FRMD5: variants seen among roughly 807,000 people sequenced by gnomAD.
FRMD5 encodes the protein FERM domain containing 5, also known as FERM domain-containing protein 5.
In FRMD5, 20 loss-of-function variants were observed where a neutral mutation model predicts 69.0. The ratio of observed to expected loss-of-function variants is 0.29; its 90% CI spans 0.20 to 0.42. The LOEUF (loss-of-function observed/expected upper bound fraction) is 0.42. FRMD5 is among the 10% of genes least tolerant of loss of function. FRMD5 has a pLI of 1.00. For missense variants in FRMD5, 595 were observed against 708.6 expected, an observed-to-expected ratio of 0.84 and a Z score of 1.82; for synonymous variants, 271 against 260.1, an observed-to-expected ratio of 1.04 and a Z score of -0.40.
At chr15:43,930,419 A>C (rs952586975) in intron 1 of FRMD5, among the ~76,000 whole-genome samples, 6 of 152,104 alleles carry the variant, frequency 3.9e-5, no homozygotes, top group Non-Finnish European at 8.8e-5. Context: ...TACTCTCAGA[A>C]CTCAGCCATC....
intron 13 of FRMD5, among the ~76,000 whole-genome samples, chr15:43,883,272 ATT>A: frequency 6.6e-6 from 1 of 151,966 alleles, no homozygotes; most frequent in South Asian, 2.1e-4. Flanking sequence ...TAGTTTTTGT[ATT>A]TTTAGTAGAG....
At chr15:44,087,267 C>T (rs968332017) in intron 1 of FRMD5, among the ~76,000 whole-genome samples, 6 of 152,078 alleles carry the variant, frequency 3.9e-5, no homozygotes, top group African/African-American at 7.2e-5. Context: ...TAATCCACCC[C>T]GCCACAGCCT....
chr15:44,012,915 C>A (rs551973837), intron 1 of FRMD5, among the ~76,000 whole-genome samples: 1 of 151,844 alleles, frequency 6.6e-6, no homozygotes, highest in African/African-American at 2.4e-5. Context: ...TACAGGCATG[C>A]GCCACCATGC....
Position 44,070,323 on chromosome 15 carries a change from GA to G in FRMD5, c.102+124629del, listed in dbSNP as rs77770563. 3.4e-3 allele frequency among the ~76,000 whole-genome samples: 457 copies of G among 132,532 alleles called. 8 individuals carry two copies. The highest frequency in any genetic ancestry group is 0.01 in the African/African-American group (362 of 35,990). The allele number at this position is 132,532 out of a possible 152,430, so 86.9% of individuals were successfully genotyped here. On this transcript the variant is annotated intron_variant, in intron 1 of 13. Coordinates refer to ENST00000417257, the MANE Select transcript of FRMD5 (RefSeq NM_032892.5). ...AACCTTATTTATAAAATAAAAATAAGAAAAAAAAAAAAGGCAGATCCTCTAA... is the reference window on the plus strand; with the variant it reads ...AACCTTATTTATAAAATAAAAATAAGAAAAAAAAAAAGGCAGATCCTCTAA...
intron 1 of FRMD5, among the ~76,000 whole-genome samples, chr15:44,039,623 T>G (rs1004192513): frequency 6.6e-6 from 1 of 151,990 alleles, no homozygotes; most frequent in African/African-American, 2.4e-5. Flanking sequence ...AAAGGAATAG[T>G]AGCAACATCA....
chr15:43,881,997 GGA>G lies in FRMD5; in HGVS notation c.1135+1704_1135+1705del, dbSNP rs1256581326. ...GCCAGCTTCCACACCATTAATCCCA[GGA>G]GAGAGACAGGTATGAACCAATTCTG... On this transcript the variant is annotated intron_variant, in intron 13 of 13. Coordinates refer to ENST00000417257, the MANE Select transcript of FRMD5 (RefSeq NM_032892.5). Among the ~76,000 whole-genome samples the G allele has an allele frequency of 2.6e-5, 4 of 152,268 alleles. No homozygotes were observed. In the East Asian group the frequency reaches 7.7e-4, roughly 29 times the overall value.
chr15:43,936,034 G>C (rs1300526226), intron 1 of FRMD5, among the ~76,000 whole-genome samples: 1 of 152,184 alleles, frequency 6.6e-6, no homozygotes, highest in African/African-American at 2.4e-5. Flanking sequence ...GATATGCACT[G>C]CCTGTACTGC....
At chr15:44,021,403 C>T (rs770831472) in intron 1 of FRMD5, among the ~76,000 whole-genome samples, 1 of 152,106 alleles carries the variant, frequency 6.6e-6, no homozygotes, top group African/African-American at 2.4e-5. Context: ...ATGCATATAG[C>T]TGATAAGGGA....
chr15:44,111,696 A>C (rs1265092355), intron 1 of FRMD5, among the ~76,000 whole-genome samples: 1 of 152,204 alleles, frequency 6.6e-6, no homozygotes, highest in African/African-American at 2.4e-5. Flanking sequence ...CAAAAGAAAT[A>C]GATGCTACTC....
chr15:44,003,134 ACT>A (rs1890286359), intron 1 of FRMD5, among the ~76,000 whole-genome samples: 1 of 152,096 alleles, frequency 6.6e-6, no homozygotes, highest in Non-Finnish European at 1.5e-5. Flanking sequence ...TGGAGTCTTT[ACT>A]CTCTCTTTCA....
intron 13 of FRMD5, among the ~76,000 whole-genome samples, chr15:43,881,999 A>G (rs1446294180): frequency 6.6e-6 from 1 of 152,176 alleles, no homozygotes; most frequent in African/African-American, 2.4e-5. Flanking sequence ...TAATCCCAGG[A>G]GAGAGACAGG....
chr15:44,112,955 G>A (rs1026450736), intron 1 of FRMD5, among the ~76,000 whole-genome samples: 1 of 152,144 alleles, frequency 6.6e-6, no homozygotes. Context: ...AAATGAAAAT[G>A]CTTCAGAGAT....
chr15:43,999,967 T>TATATGCCAAGC (rs55916455), intron 1 of FRMD5, among the ~76,000 whole-genome samples: 1 of 42,036 alleles, frequency 2.4e-5, no homozygotes, highest in African/African-American at 6.5e-5. Context: ...TATATATATA[T>TATATGCCAAGC]ATATATATAT....
intron 7 of FRMD5, among the ~76,000 whole-genome samples, chr15:43,894,287 C>G (rs1280376545): frequency 6.6e-6 from 1 of 152,144 alleles, no homozygotes; most frequent in Non-Finnish European, 1.5e-5. Context: ...CCTGCCTGTT[C>G]TGTCTCTTCT....
intron 13 of FRMD5, among the ~76,000 whole-genome samples, chr15:43,875,506 C>T (rs1235288060): frequency 6.6e-6 from 1 of 151,292 alleles, no homozygotes; most frequent in African/African-American, 2.4e-5. Context: ...GAGATGGAGT[C>T]TTACTCTGTC....
chr15:44,084,583 A>G (rs1391258339), intron 1 of FRMD5, among the ~76,000 whole-genome samples: 5 of 152,122 alleles, frequency 3.3e-5, no homozygotes, highest in Non-Finnish European at 7.4e-5. Flanking sequence ...CACAGCACAG[A>G]CTTAAACCTT....
chr15:44,182,329 T>C (rs1357412268), intron 1 of FRMD5, among the ~76,000 whole-genome samples: 7 of 138,150 alleles, frequency 5.1e-5, no homozygotes, highest in African/African-American at 1.9e-4. Context: ...CTTTTCTTTT[T>C]TTTTTTTTTT....
At chr15:44,072,393 C>A (rs1893578965) in intron 1 of FRMD5, among the ~76,000 whole-genome samples, 1 of 152,080 alleles carries the variant, frequency 6.6e-6, no homozygotes, top group African/African-American at 2.4e-5. Context: ...AATGTTTGTA[C>A]CTTTTTGCTA....
chr15:44,033,942 G>A (rs375073640), intron 1 of FRMD5, among the ~76,000 whole-genome samples: 100 of 152,218 alleles, frequency 6.6e-4, no homozygotes, highest in African/African-American at 2.2e-3. Flanking sequence ...ATTAGGATTC[G>A]CTCTTATTTA....
Sources: allele counts gnomAD v4.1 joint callset (sites outside exome capture counted in the v4.1 genomes callset), GRCh38; gene constraint gnomAD v4.1.1; transcripts MANE v1.5; gene names NCBI Gene and HGNC (gene_info 2026-07-23, HGNC 2026-07-21).